The following PCDH7 variants were observed in gnomAD, a reference collection of about 807,000 sequenced individuals.
PCDH7 encodes the protein protocadherin-7.
PCDH7 carries 17 observed loss-of-function variants against 58.9 expected under a neutral mutation model. The observed-to-expected ratio is 0.29, with a 90% CI of 0.20 to 0.43. The LOEUF (loss-of-function observed/expected upper bound fraction) is 0.43, where lower values mean the gene tolerates loss of function less well. PCDH7 is among the 20% of genes least tolerant of loss of function. PCDH7 has a pLI of 1.00. For missense variants in PCDH7, 1,274 were observed against 1,441.0 expected (o/e 0.88, Z 1.88); for synonymous variants, 664 against 616.4 (o/e 1.08, Z -1.14).
chr4:30,721,813 G>T lies in PCDH7; in HGVS notation c.391G>T (p.Val131Phe). Residue 131 changes from valine to phenylalanine, a missense_variant, in exon 1 of 2, where the codon GTC becomes TTC. By Grantham distance (50) the Val-to-Phe change is conservative. This residue lies in a region of PCDH7 where 212 missense variants were observed against 255.8 expected (regional missense o/e 0.83). Coordinates refer to ENST00000361762, the Ensembl canonical transcript of PCDH7. The surrounding 1 kb of genome is among the most constrained non-coding windows in gnomAD (Gnocchi z 6.7). ...CTGGGTGGACCTGTTTGAGGGTCAG[G>T]TCATCGTGCTTGACATCAACGACAA... The T allele has an allele frequency of 6.2e-7, 1 of 1,612,306 alleles. No individual in the cohort carries two copies. Among genetic ancestry groups the T allele is most frequent in the Admixed American group, 1.7e-5 (1 of 59,894 alleles).
At chr4:30,969,356 C>CT (rs1046024364) in intron 3 of PCDH7, among the ~76,000 whole-genome samples, 276 of 147,316 alleles carry the variant, frequency 1.9e-3, no homozygotes, top group African/African-American at 5.4e-3. Context: ...GATTTTGTCT[C>CT]TTTTTTTTTT....
At chr4:31,102,998 G>A (rs949446235) in intron 3 of PCDH7, among the ~76,000 whole-genome samples, 2 of 152,056 alleles carry the variant, frequency 1.3e-5, no homozygotes, top group African/African-American at 4.8e-5. Flanking sequence ...CATGTTTGCA[G>A]GTAAGTTTTG....
intron 3 of PCDH7, among the ~76,000 whole-genome samples, chr4:30,998,413 G>A (rs975417813): frequency 1.2e-4 from 18 of 152,014 alleles, no homozygotes; most frequent in African/African-American, 4.3e-4. Context: ...GAAATACCCA[G>A]CTGGTGTTTT....
chr4:30,726,099 G>T (rs1316595485), intron 1 of PCDH7, among the ~76,000 whole-genome samples: 3 of 151,968 alleles, frequency 2.0e-5, no homozygotes, highest in Admixed American at 1.3e-4. Flanking sequence ...TATATCTGTT[G>T]TATTATTGTG....
rs564287168 is a variant in PCDH7 at position 30,828,824 on chromosome 4, G to A, written c.71-91329G>A. ...TCTCTACACAGTTTGCCTTTACCTT[G>A]GCCCTGAGGTTTTTTTTTTGTTGTT... On this transcript the variant is annotated intron_variant, in intron 1 of 3. Coordinates refer to the PCDH7 transcript ENST00000509759. 2.4e-4 allele frequency among the ~76,000 whole-genome samples: 37 copies of A among 151,776 alleles called. No homozygotes were observed. In the South Asian group the frequency reaches 7.7e-3, roughly 32 times the overall value.
At chr4:30,975,630 C>G (rs913568146) in intron 3 of PCDH7, among the ~76,000 whole-genome samples, 2 of 152,156 alleles carry the variant, frequency 1.3e-5, no homozygotes, top group African/African-American at 4.8e-5. Flanking sequence ...ATTCACTCAT[C>G]TATTCCTTCA....
intron 3 of PCDH7, among the ~76,000 whole-genome samples, chr4:31,090,832 G>A (rs1713149324): frequency 6.6e-6 from 1 of 151,852 alleles, no homozygotes; most frequent in Admixed American, 6.6e-5. Flanking sequence ...TAAGTCAATA[G>A]TTTAACTCCA....
At chr4:30,778,934 G>T (rs116731441) in intron 1 of PCDH7, among the ~76,000 whole-genome samples, 1 of 149,346 alleles carries the variant, frequency 6.7e-6, no homozygotes, top group Non-Finnish European at 1.5e-5. Flanking sequence ...CACATCTCTG[G>T]GTTTCAGCAT....
intron 1 of PCDH7, chr4:30,725,224 A>G (rs1381230275): frequency 1.0e-6 from 1 of 988,428 alleles, no homozygotes; most frequent in Non-Finnish European, 1.2e-6. Context: ...TATCTATAAT[A>G]ATCGATACCT....
chr4:30,863,872 C>G (rs779639536), intron 1 of PCDH7, among the ~76,000 whole-genome samples: 9 of 152,064 alleles, frequency 5.9e-5, no homozygotes, highest in South Asian at 2.1e-4. Context: ...CATAAATGTG[C>G]TTTCCTGAAG....
At chr4:31,049,424 G>A (rs980275485) in intron 3 of PCDH7, among the ~76,000 whole-genome samples, 6 of 152,092 alleles carry the variant, frequency 3.9e-5, no homozygotes, top group African/African-American at 1.4e-4. Flanking sequence ...ACCAGGCATG[G>A]ATATGCAAGA....
At chr4:30,778,663 G>T (rs112025782) in intron 1 of PCDH7, among the ~76,000 whole-genome samples, 28 of 151,872 alleles carry the variant, frequency 1.8e-4, no homozygotes, top group African/African-American at 6.0e-4. Context: ...TCTTTTTGAT[G>T]AACCAACTGA....
At chr4:30,884,971 T>C (rs1737506795) in intron 1 of PCDH7, 1 of 152,174 alleles carries the variant, frequency 6.6e-6, no homozygotes, top group Admixed American at 6.6e-5. Context: ...AGATCCTGTT[T>C]CATGTAAGAA....
chr4:30,753,965 G>T (rs1441700029), intron 1 of PCDH7, among the ~76,000 whole-genome samples: 1 of 152,096 alleles, frequency 6.6e-6, no homozygotes, highest in Non-Finnish European at 1.5e-5. Context: ...ATAGATAAGT[G>T]TTACTGATCA....
chr4:30,730,049 C>A (rs985353821), intron 1 of PCDH7, among the ~76,000 whole-genome samples: 1 of 151,800 alleles, frequency 6.6e-6, no homozygotes, highest in African/African-American at 2.4e-5. Context: ...ATTTTAACAT[C>A]TTTTCTTTCC....
intron 1 of PCDH7, among the ~76,000 whole-genome samples, chr4:30,801,402 A>G (rs1003889622): frequency 1.3e-5 from 2 of 152,168 alleles, no homozygotes; most frequent in South Asian, 2.1e-4. Context: ...TTGATAAGCC[A>G]TGGAAGGAGA....
At chr4:31,126,906 C>T (rs181482578) in intron 3 of PCDH7, among the ~76,000 whole-genome samples, 11 of 152,218 alleles carry the variant, frequency 7.2e-5, no homozygotes, top group Admixed American at 7.2e-4. Context: ...CTGGCCAATA[C>T]ACAAAGACTT....
chr4:30,759,157 G>GAC (rs1719709998), intron 1 of PCDH7, among the ~76,000 whole-genome samples: 1 of 151,996 alleles, frequency 6.6e-6, no homozygotes, highest in African/African-American at 2.4e-5. Flanking sequence ...GGCCAGGCTG[G>GAC]TCTTGAACTC....
intron 3 of PCDH7, among the ~76,000 whole-genome samples, chr4:30,957,476 G>T (rs988683716): frequency 6.6e-6 from 1 of 152,122 alleles, no homozygotes; most frequent in African/African-American, 2.4e-5. Flanking sequence ...AGGAAATGTG[G>T]ATCTAATTTT....
Sources: gnomAD v4.1 joint callset for allele counts (sites outside exome capture counted in the v4.1 genomes callset) on GRCh38, gnomAD v4.1.1 for gene constraint, gnomAD v4.1.1 regional missense constraint, Gnocchi (gnomAD v3.1) non-coding constraint, MANE v1.5 for transcripts, NCBI Gene and HGNC (gene_info 2026-07-23, HGNC 2026-07-21) for gene names.